Variants in CUEDC1 observed in about 807,000 individuals in gnomAD.
CUEDC1 encodes the protein CUE domain-containing protein 1.
A neutral mutation model predicts 43.7 loss-of-function variants in CUEDC1; 30 were observed. That is an observed-to-expected ratio of 0.69 (90% CI 0.51 to 0.93). The LOEUF (loss-of-function observed/expected upper bound fraction) is 0.93, where lower values mean the gene tolerates loss of function less well. CUEDC1 is among the 40% of genes least tolerant of loss of function. The probability of loss-of-function intolerance (pLI) is 0.00; values close to 1 mark genes in which losing one functional copy is unlikely to be tolerated. For missense variants in CUEDC1, 486 were observed against 549.0 expected, an observed-to-expected ratio of 0.89 and a Z score of 1.15; for synonymous variants, 223 against 223.6, an observed-to-expected ratio of 1.00 and a Z score of 0.02.
chr17:57,874,391 G>A (rs1216172741), intron 3 of CUEDC1, among the ~76,000 whole-genome samples: 3 of 152,234 alleles, frequency 2.0e-5, no homozygotes, highest in East Asian at 1.9e-4. Context: ...GAAAACGTGC[G>A]TGGAGATGTG....
chr17:57,933,459 C>T (rs959434024), intron 1 of CUEDC1, among the ~76,000 whole-genome samples: 4 of 152,146 alleles, frequency 2.6e-5, no homozygotes, highest in African/African-American at 9.7e-5. Context: ...GAGCCCCCCT[C>T]CACCCCAATT....
chr17:57,916,472 C>T (rs2074642252), intron 1 of CUEDC1, among the ~76,000 whole-genome samples: 3 of 152,194 alleles, frequency 2.0e-5, no homozygotes, highest in Admixed American at 6.5e-5. Flanking sequence ...AAAGCAAAGG[C>T]AACACAAAGG....
chr17:57,898,735 G>A (rs2074439737), intron 1 of CUEDC1, among the ~76,000 whole-genome samples: 1 of 152,090 alleles, frequency 6.6e-6, no homozygotes, highest in South Asian at 2.1e-4. Context: ...TGAAGGGAGT[G>A]AATGTGGAGC....
chr17:57,928,364 A>C, intron 1 of CUEDC1, among the ~76,000 whole-genome samples: 1 of 148,606 alleles, frequency 6.7e-6, no homozygotes, highest in Admixed American at 6.7e-5. Flanking sequence ...CCTGGCTAAC[A>C]CGGTGAAACC....
intron 2 of CUEDC1, among the ~76,000 whole-genome samples, chr17:57,884,157 A>G (rs900305301): frequency 1.4e-5 from 2 of 145,814 alleles, no homozygotes; most frequent in Non-Finnish European, 3.0e-5. Flanking sequence ...TTCCGTGGCT[A>G]TGCTCCCAGG....
chr17:57,886,817 GTT>G (rs777598269), intron 1 of CUEDC1, among the ~76,000 whole-genome samples: 80 of 118,486 alleles, frequency 6.8e-4, no homozygotes, highest in African/African-American at 2.3e-3. Flanking sequence ...AATTCTGGTT[GTT>G]TTTTTTTTTT....
rs2074861591 is a variant in CUEDC1, at chr17:57,936,314, G to GA, written c.-316+18910dup. On this transcript the variant is annotated intron_variant, in intron 1 of 10. Transcript: ENST00000577830. The stretch of plus-strand genomic sequence containing the variant: ...TTCCTCCTTTGGCCCTTCCCCAGGA[G>GA]AAGCCAGAGGGAGCAGAGGCTCTAA... Among the ~76,000 whole-genome samples, 4 of 152,348 alleles carry GA rather than the reference G, an allele frequency of 2.6e-5. No individual in the cohort carries two copies. In the South Asian group the frequency reaches 8.3e-4, roughly 32 times the overall value.
chr17:57,925,118 T>TAA (rs11413908), intron 1 of CUEDC1, among the ~76,000 whole-genome samples: 28 of 142,988 alleles, frequency 2.0e-4, no homozygotes, highest in East Asian at 2.0e-4. Flanking sequence ...TTGTGCACAT[T>TAA]AAAAAAAAAA....
Position 57,867,465 on chromosome 17 carries a change from T to C in CUEDC1, c.1035-50A>G, listed in dbSNP as rs1377558251. 2.0e-6 allele frequency: 3 copies of C among 1,499,204 alleles called. No individual in the cohort carries two copies. The South Asian group carries it at 3.6e-5, about 18-fold the overall frequency. 92.9% of individuals were successfully genotyped at this position (1,499,204 alleles called of 1,614,324 possible). A position where few individuals can be genotyped will look rare whatever the true frequency, so the allele number is the denominator to read the frequency against. On this transcript the variant is annotated intron_variant, in intron 8 of 10. Transcript: ENST00000577830. ...TCCCAGGGATGAGGGGACACTGCCCTAGTCCTCCCAGTCCCACTGACTCTC... is the reference window on the plus strand; with the variant it reads ...TCCCAGGGATGAGGGGACACTGCCCCAGTCCTCCCAGTCCCACTGACTCTC...
At chr17:57,947,079 C>A (rs2074966493) in intron 1 of CUEDC1, among the ~76,000 whole-genome samples, 1 of 150,944 alleles carries the variant, frequency 6.6e-6, no homozygotes, top group South Asian at 2.1e-4. Context: ...GGAGCCTGAT[C>A]ACCCTACATG....
intron 1 of CUEDC1, among the ~76,000 whole-genome samples, chr17:57,952,560 G>T (rs987174950): frequency 2.0e-5 from 3 of 152,116 alleles, no homozygotes; most frequent in African/African-American, 7.2e-5. Flanking sequence ...CTTCCTGTAA[G>T]TGCAAGAGCC....
intron 3 of CUEDC1, among the ~76,000 whole-genome samples, chr17:57,875,103 G>T (rs1202963865): frequency 6.6e-6 from 1 of 152,112 alleles, no homozygotes; most frequent in Non-Finnish European, 1.5e-5. Flanking sequence ...GTCACTGTTG[G>T]AGGCTTCATT....
At chr17:57,948,350 G>A (rs1413658277) in intron 1 of CUEDC1, among the ~76,000 whole-genome samples, 1 of 152,084 alleles carries the variant, frequency 6.6e-6, no homozygotes, top group Non-Finnish European at 1.5e-5. Context: ...CCATCCCCGA[G>A]AGCTGTAGGT....
At chr17:57,902,121 GC>G (rs2074478114) in intron 1 of CUEDC1, among the ~76,000 whole-genome samples, 1 of 151,950 alleles carries the variant, frequency 6.6e-6, no homozygotes, top group Non-Finnish European at 1.5e-5. Flanking sequence ...TTGCAGGGAG[GC>G]AGAGGTTGCA....
intron 1 of CUEDC1, among the ~76,000 whole-genome samples, chr17:57,900,994 C>T (rs996015382): frequency 6.6e-6 from 1 of 152,214 alleles, no homozygotes; most frequent in African/African-American, 2.4e-5. Flanking sequence ...TATTCTCTAA[C>T]CCACTATTAA....
intron 10 of CUEDC1, among the ~76,000 whole-genome samples, chr17:57,864,985 AG>A (rs2073935748): frequency 6.6e-6 from 1 of 152,182 alleles, no homozygotes; most frequent in Non-Finnish European, 1.5e-5. Context: ...TGAACCTGAG[AG>A]GTGAAGGTTG....
At chr17:57,867,254 C>T in intron 9 of CUEDC1, 103 bp downstream of exon 9, 2 of 1,105,620 alleles carry the variant, frequency 1.8e-6, no homozygotes, top group Non-Finnish European at 2.7e-6. Context: ...CAGTGTGTTC[C>T]TCCAGGGGAC....
At chr17:57,914,115 G>A (rs1219196407) in intron 1 of CUEDC1, among the ~76,000 whole-genome samples, 2 of 152,116 alleles carry the variant, frequency 1.3e-5, no homozygotes, top group East Asian at 1.9e-4. Context: ...TTCAGTTCTC[G>A]GTCCCTAACA....
chr17:57,865,712 G>A (rs763655599), intron 10 of CUEDC1, among the ~76,000 whole-genome samples: 6 of 152,218 alleles, frequency 3.9e-5, no homozygotes, highest in Non-Finnish European at 8.8e-5. Flanking sequence ...TGCCTCAGGA[G>A]GGTTTCCTCA....
Sources: gnomAD v4.1 joint callset for allele counts (sites outside exome capture counted in the v4.1 genomes callset) on GRCh38, gnomAD v4.1.1 for gene constraint, MANE v1.5 for transcripts, NCBI Gene and HGNC (gene_info 2026-07-23, HGNC 2026-07-21) for gene names.